The following TTC28 variants were observed in gnomAD, a reference collection of about 807,000 sequenced individuals.
TTC28 encodes tetratricopeptide repeat protein 28.
A neutral mutation model predicts 198.0 loss-of-function variants in TTC28; 61 were observed. That is an observed-to-expected ratio of 0.31 (90% CI 0.25 to 0.38). The LOEUF (loss-of-function observed/expected upper bound fraction) is 0.38, where lower values mean the gene tolerates loss of function less well. Ranked by LOEUF, TTC28 falls within the 10% of genes least tolerant of loss-of-function variation. The pLI, the probability that TTC28 is intolerant of heterozygous loss-of-function variation, is 1.00. For synonymous variants in TTC28, 1,171 were observed against 1,297.8 expected (o/e 0.90, Z 2.10); for missense variants, 2,678 against 3,164.0 (o/e 0.85, Z 3.69).
At chr22:28,051,425 CT>C (rs1166931198) in intron 12 of TTC28, among the ~76,000 whole-genome samples, 4 of 152,122 alleles carry the variant, frequency 2.6e-5, no homozygotes, top group African/African-American at 9.7e-5. Context: ...ATAGGATTTC[CT>C]TTGTTAATAT....
chr22:28,359,910 T>C (rs546127734), intron 2 of TTC28, among the ~76,000 whole-genome samples: 3 of 152,168 alleles, frequency 2.0e-5, no homozygotes, highest in East Asian at 3.9e-4. Context: ...ATACATGACA[T>C]TATAAAAATA....
intron 6 of TTC28, among the ~76,000 whole-genome samples, chr22:28,144,484 T>C (rs996131460): frequency 5.9e-5 from 9 of 152,254 alleles, no homozygotes; most frequent in Non-Finnish European, 1.2e-4. Flanking sequence ...GTTTTCTTTC[T>C]TTGGTAAAAA....
At chr22:28,601,200 A>G (rs1341431591) in intron 2 of TTC28, among the ~76,000 whole-genome samples, 3 of 152,206 alleles carry the variant, frequency 2.0e-5, no homozygotes, top group Non-Finnish European at 2.9e-5. Context: ...ATGCAAATCT[A>G]TATCAGCTGT....
At chr22:28,166,630 C>T (rs1921994059) in intron 5 of TTC28, among the ~76,000 whole-genome samples, 1 of 152,124 alleles carries the variant, frequency 6.6e-6, no homozygotes, top group South Asian at 2.1e-4. Flanking sequence ...CCAATGAGAA[C>T]AAAGACACAA....
intron 5 of TTC28, among the ~76,000 whole-genome samples, chr22:28,279,186 T>G (rs1310693987): frequency 1.3e-5 from 2 of 152,248 alleles, no homozygotes; most frequent in Non-Finnish European, 2.9e-5. Flanking sequence ...TAAATGTGCT[T>G]TATAACATAT....
At chr22:28,232,815 T>C (rs551767584) in intron 5 of TTC28, 1 of 152,246 alleles carries the variant, frequency 6.6e-6, no homozygotes, top group Non-Finnish European at 1.5e-5. Context: ...TTTTTCCATT[T>C]TAGGGCTGGG....
At chr22:28,175,623 C>G (rs993528119) in intron 5 of TTC28, among the ~76,000 whole-genome samples, 2 of 152,044 alleles carry the variant, frequency 1.3e-5, no homozygotes, top group African/African-American at 4.8e-5. Context: ...ATCCCAGCTA[C>G]TCAGGAGGCC....
chr22:28,660,889 C>G (rs1164537740), intron 1 of TTC28, among the ~76,000 whole-genome samples: 1 of 151,860 alleles, frequency 6.6e-6, no homozygotes, highest in African/African-American at 2.4e-5. Context: ...AACTCCTGAC[C>G]TCATGATCTG....
chr22:28,010,014 C>T (rs1938083368), intron 14 of TTC28, among the ~76,000 whole-genome samples: 1 of 152,158 alleles, frequency 6.6e-6, no homozygotes, highest in Admixed American at 6.5e-5. Flanking sequence ...TGTTCAAATA[C>T]CTGACTCACA....
At chr22:28,310,204 C>T (rs948814149) in intron 2 of TTC28, among the ~76,000 whole-genome samples, 2 of 151,588 alleles carry the variant, frequency 1.3e-5, no homozygotes, top group South Asian at 4.2e-4. Context: ...CCTCAAGGTG[C>T]TCACAGTCAA....
intron 2 of TTC28, among the ~76,000 whole-genome samples, chr22:28,581,643 A>G (rs986370465): frequency 6.6e-6 from 1 of 152,198 alleles, no homozygotes; most frequent in African/African-American, 2.4e-5. Context: ...TTATCTACAG[A>G]TATCATTGCA....
At chr22:28,227,108 A>AT (rs1179840009) in intron 5 of TTC28, among the ~76,000 whole-genome samples, 16 of 151,692 alleles carry the variant, frequency 1.1e-4, no homozygotes, top group Non-Finnish European at 4.4e-5. Flanking sequence ...TTTTATTTTT[A>AT]TTTTTTTAGA....
At chr22:28,396,608 G>A (rs2046821910) in intron 2 of TTC28, among the ~76,000 whole-genome samples, 1 of 152,026 alleles carries the variant, frequency 6.6e-6, no homozygotes, top group Non-Finnish European at 1.5e-5. Context: ...TTACTTCCAA[G>A]CATTACTATT....
intron 13 of TTC28, among the ~76,000 whole-genome samples, chr22:28,015,641 G>A (rs1164088466): frequency 1.3e-5 from 2 of 151,840 alleles, no homozygotes; most frequent in Non-Finnish European, 1.5e-5. Context: ...ACCCAGGCTG[G>A]TCTTGAACTC....
At chr22:28,483,615 T>A (rs28542047) in intron 2 of TTC28, among the ~76,000 whole-genome samples, 21 of 152,206 alleles carry the variant, frequency 1.4e-4, no homozygotes, top group Non-Finnish European at 2.8e-4. Context: ...AAAACCCATC[T>A]GATGAATTTT....
In TTC28 at chr22:27,980,632, T is replaced by C. The variant is rs1019458008; in HGVS notation, c.*1589A>G. On this transcript the variant is annotated 3_prime_UTR_variant, in exon 23 of 23. Transcript: ENST00000397906. The stretch of plus-strand genomic sequence containing the variant: ...CCCTCAGGTCTGCTCCATGTGCTGC[T>C]GGTGGCCCAGGCCAGGTGGCCGCCC... The C allele has an allele frequency of 3.9e-5, 6 of 152,412 alleles. No individual in the cohort carries two copies. Among genetic ancestry groups the C allele is most frequent in the African/African-American group, 1.4e-4 (6 of 41,604 alleles). The allele number at this position is 152,412 out of a possible 1,614,324, so 9.4% of individuals were successfully genotyped here.
intron 13 of TTC28, among the ~76,000 whole-genome samples, chr22:28,023,242 G>T (rs1022577623): frequency 1.3e-5 from 2 of 152,240 alleles, no homozygotes; most frequent in African/African-American, 4.8e-5. Context: ...GGCAGCAGTT[G>T]GTGGTGCCCG....
At chr22:28,029,023 G>GT (rs1238572226) in intron 13 of TTC28, 25 of 471,030 alleles carry the variant, frequency 5.3e-5, no homozygotes, top group Non-Finnish European at 1.0e-4. Flanking sequence ...CCTGGTGGAG[G>GT]TAAGTGTCAC....
chr22:28,388,486 G>T (rs1358746283), intron 2 of TTC28, among the ~76,000 whole-genome samples: 2 of 152,266 alleles, frequency 1.3e-5, no homozygotes, highest in African/African-American at 4.8e-5. Flanking sequence ...AGCATAGAAC[G>T]TTCTTCCATT....
Sources: allele counts gnomAD v4.1 joint callset (sites outside exome capture counted in the v4.1 genomes callset), GRCh38; gene constraint gnomAD v4.1.1; transcripts MANE v1.5; gene names NCBI Gene and HGNC (gene_info 2026-07-23, HGNC 2026-07-21).